The following GPR158 variants were observed in gnomAD, a reference collection of about 807,000 sequenced individuals.
GPR158 encodes the protein G protein-coupled receptor 158, also known as metabotropic glycine receptor.
Under a neutral mutation model 78.2 loss-of-function variants are expected in GPR158, and 30 were observed. The ratio of observed to expected loss-of-function variants is 0.38; its 90% confidence interval spans 0.29 to 0.52. The LOEUF is 0.52. Ranked by LOEUF, GPR158 falls within the 20% of genes least tolerant of loss-of-function variation. GPR158 has a pLI of 0.83. For synonymous variants in GPR158, 581 were observed against 591.1 expected, an observed-to-expected ratio of 0.98 and a Z score of 0.25; for missense variants, 1,463 against 1,523.5, an observed-to-expected ratio of 0.96 and a Z score of 0.66.
chr10:25,183,125 T>TA (rs1289527002), intron 1 of GPR158, among the ~76,000 whole-genome samples: 2 of 152,180 alleles, frequency 1.3e-5, no homozygotes, highest in African/African-American at 4.8e-5. Context: ...AAATTACACA[T>TA]AGCGTAATTT....
chr10:25,189,366 A>G (rs909565846), intron 1 of GPR158, among the ~76,000 whole-genome samples: 10 of 152,200 alleles, frequency 6.6e-5, no homozygotes, highest in African/African-American at 2.2e-4. Context: ...TCACAATAGC[A>G]AAGACTTGGA....
intron 5 of GPR158, among the ~76,000 whole-genome samples, chr10:25,502,729 G>T (rs1006597898): frequency 6.6e-6 from 1 of 152,108 alleles, no homozygotes; most frequent in Non-Finnish European, 1.5e-5. Flanking sequence ...AGCAAGGAAA[G>T]GCTCTGAGGT....
intron 1 of GPR158, among the ~76,000 whole-genome samples, chr10:25,215,654 G>A (rs548782905): frequency 1.3e-5 from 2 of 152,204 alleles, no homozygotes; most frequent in African/African-American, 4.8e-5. Flanking sequence ...GGCCAACATA[G>A]TGAAACCCAG....
At chr10:25,449,219 A>G (rs187326784) in intron 4 of GPR158, among the ~76,000 whole-genome samples, 45 of 152,320 alleles carry the variant, frequency 3.0e-4, no homozygotes, top group African/African-American at 1.0e-3. Context: ...TTTCCTTTCA[A>G]CAACTTCCTG....
intron 4 of GPR158, among the ~76,000 whole-genome samples, chr10:25,454,382 G>C (rs1429405965): frequency 6.6e-6 from 1 of 152,132 alleles, no homozygotes; most frequent in Non-Finnish European, 1.5e-5. Flanking sequence ...CAGCCTAATT[G>C]AAATGTATTA....
chr10:25,225,697 A>T (rs1475566123), intron 2 of GPR158, among the ~76,000 whole-genome samples: 1 of 152,012 alleles, frequency 6.6e-6, no homozygotes, highest in Non-Finnish European at 1.5e-5. Context: ...GATTCACTGG[A>T]GTGGTTGTGT....
In GPR158 at chr10:25,264,963, C is replaced by G. The variant is rs1854023047; in HGVS notation, c.1008+43806C>G. Among the ~76,000 whole-genome samples the G allele has an allele frequency of 2.0e-5, 3 of 152,114 alleles. No individual in the cohort carries two copies. In the South Asian group the frequency reaches 6.2e-4, roughly 32 times the overall value. The stretch of plus-strand genomic sequence containing the variant: ...TAAGACTGTACAGTTAACACATTTC[C>G]TTGCTTTGGGCTATGTATATATCAC... On this transcript the variant is annotated intron_variant, in intron 2 of 10. Transcript: ENST00000376351.
intron 2 of GPR158, among the ~76,000 whole-genome samples, chr10:25,245,068 C>T (rs1853671035): frequency 6.6e-6 from 1 of 152,202 alleles, no homozygotes. Context: ...CAGAATTCTT[C>T]TTATTCCCGA....
chr10:25,475,770 A>G (rs1328245230), intron 5 of GPR158: 1 of 152,110 alleles, frequency 6.6e-6, no homozygotes, highest in Non-Finnish European at 1.5e-5. Context: ...ATTGTTCATG[A>G]AAGTTCTACT....
chr10:25,567,139 C>CT (rs926296769), intron 6 of GPR158, among the ~76,000 whole-genome samples: 3 of 152,206 alleles, frequency 2.0e-5, no homozygotes, highest in Non-Finnish European at 4.4e-5. Flanking sequence ...ATTTTCATTC[C>CT]TTTTTTTATA....
At chr10:25,488,403 G>C (rs928283699) in intron 5 of GPR158, among the ~76,000 whole-genome samples, 1 of 152,244 alleles carries the variant, frequency 6.6e-6, no homozygotes, top group East Asian at 1.9e-4. Context: ...CGTGTATTGT[G>C]AAAACTCTAT....
At chr10:25,253,818 T>C (rs1045113151) in intron 2 of GPR158, among the ~76,000 whole-genome samples, 1 of 152,196 alleles carries the variant, frequency 6.6e-6, no homozygotes, top group Non-Finnish European at 1.5e-5. Context: ...AAGAAAATTA[T>C]AAAATTTGCC....
At chr10:25,560,001 A>G (rs1836840773) in intron 6 of GPR158, among the ~76,000 whole-genome samples, 2 of 152,248 alleles carry the variant, frequency 1.3e-5, no homozygotes, top group South Asian at 4.1e-4. Flanking sequence ...ACAACCACCA[A>G]AGAGTAATCA....
intron 4 of GPR158, among the ~76,000 whole-genome samples, chr10:25,421,626 T>G (rs1452119363): frequency 1.3e-5 from 2 of 152,178 alleles, no homozygotes; most frequent in African/African-American, 4.8e-5. Flanking sequence ...TTTTTGTTTT[T>G]CTAAGGTCTA....
intron 7 of GPR158, among the ~76,000 whole-genome samples, chr10:25,580,900 A>ATTTT (rs1452302358): frequency 3.3e-4 from 45 of 138,422 alleles, no homozygotes; most frequent in African/African-American, 7.4e-4. Flanking sequence ...TAATTTTTTT[A>ATTTT]TTTTTTTATT....
chr10:25,594,194 A>T, intron 8 of GPR158, 98 bp from the exon 9 acceptor site: 1 of 696,972 alleles, frequency 1.4e-6, no homozygotes, highest in Admixed American at 2.3e-5. Flanking sequence ...CCTTTTTCTT[A>T]TTTTAATACA....
At chr10:25,449,088 A>G (rs1462599575) in intron 4 of GPR158, among the ~76,000 whole-genome samples, 1 of 152,182 alleles carries the variant, frequency 6.6e-6, no homozygotes, top group Non-Finnish European at 1.5e-5. Context: ...AGATTGTATG[A>G]TAATTCATTT....
chr10:25,214,028 T>G (rs1464266123), intron 1 of GPR158, among the ~76,000 whole-genome samples: 2 of 152,190 alleles, frequency 1.3e-5, no homozygotes, highest in Non-Finnish European at 2.9e-5. Flanking sequence ...GGAGTCTCGC[T>G]CTATCGCCCA....
chr10:25,339,320 T>A (rs2130504055), intron 2 of GPR158, among the ~76,000 whole-genome samples: 1 of 152,198 alleles, frequency 6.6e-6, no homozygotes, highest in East Asian at 1.9e-4. Context: ...AATGCTATTG[T>A]AATATCTTTA....
Sources: gnomAD v4.1 joint callset for allele counts (sites outside exome capture counted in the v4.1 genomes callset) on GRCh38, gnomAD v4.1.1 for gene constraint, MANE v1.5 for transcripts, NCBI Gene and HGNC (gene_info 2026-07-23, HGNC 2026-07-21) for gene names.